MAN1A2: variants seen among roughly 807,000 people sequenced by gnomAD.
MAN1A2 encodes mannosidase alpha class 1A member 2.
MAN1A2 carries 26 observed loss-of-function variants against 75.7 expected under a neutral mutation model. That is an observed-to-expected ratio of 0.34 (90% CI 0.25 to 0.48). The LOEUF is 0.48. Among genes scored for constraint, MAN1A2 ranks in the 20% least tolerant of loss-of-function variants. MAN1A2 has a pLI of 0.99. For missense variants in MAN1A2, 562 were observed against 775.5 expected (o/e 0.72, Z 3.27); for synonymous variants, 247 against 264.6 (o/e 0.93, Z 0.65).
chr1:117,521,772 A>G (rs1353801061), intron 12 of MAN1A2, among the ~76,000 whole-genome samples: 1 of 151,980 alleles, frequency 6.6e-6, no homozygotes, highest in Non-Finnish European at 1.5e-5. Context: ...AAATGCGTGG[A>G]ACCAACCCAA....
intron 6 of MAN1A2, among the ~76,000 whole-genome samples, chr1:117,457,842 A>T (rs1392516368): frequency 6.6e-6 from 1 of 152,136 alleles, no homozygotes; most frequent in East Asian, 1.9e-4. Flanking sequence ...CATAGTCCAG[A>T]TTATACCTTG....
intron 6 of MAN1A2, among the ~76,000 whole-genome samples, chr1:117,457,098 T>C (rs1005913153): frequency 3.3e-5 from 5 of 152,110 alleles, no homozygotes; most frequent in Non-Finnish European, 7.4e-5. Context: ...CGACTGACTT[T>C]GAACAAAATG....
At chr1:117,413,194 G>A (rs1370518200) in intron 3 of MAN1A2, among the ~76,000 whole-genome samples, 1 of 151,912 alleles carries the variant, frequency 6.6e-6, no homozygotes, top group South Asian at 2.1e-4. Context: ...GAAGGGAACT[G>A]AGTAGGTAGA....
chr1:117,404,223 T>C (rs1339249163), intron 2 of MAN1A2, among the ~76,000 whole-genome samples: 5 of 152,198 alleles, frequency 3.3e-5, no homozygotes, highest in African/African-American at 1.2e-4. Context: ...TCTTGTAATA[T>C]CTTTGCTTGA....
chr1:117,414,539 G>T (rs1374901402), intron 3 of MAN1A2, among the ~76,000 whole-genome samples, 174 bp from the exon 4 acceptor site: 1 of 151,310 alleles, frequency 6.6e-6, no homozygotes, highest in Non-Finnish European at 1.5e-5. Context: ...TAATGTAAAA[G>T]GGAACAATAT....
At chr1:117,383,124 A>G (rs899910478) in intron 1 of MAN1A2, among the ~76,000 whole-genome samples, 1 of 152,168 alleles carries the variant, frequency 6.6e-6, no homozygotes, top group African/African-American at 2.4e-5. Flanking sequence ...CTTAGGGGCA[A>G]AGCTTTCAGT....
intron 9 of MAN1A2, 178 bp downstream of exon 9, chr1:117,493,440 TAA>T (rs918617015): frequency 1.3e-5 from 6 of 450,554 alleles, no homozygotes; most frequent in Admixed American, 7.9e-5. Context: ...AGCCTCATAT[TAA>T]GTCTTCTTTT....
chr1:117,409,436 C>T (rs1348406240), intron 3 of MAN1A2, among the ~76,000 whole-genome samples: 1 of 112,488 alleles, frequency 8.9e-6, no homozygotes, highest in Non-Finnish European at 1.9e-5. Context: ...ATGTACTTCA[C>T]ATAATTTTCA....
chr1:117,468,249 A>G (rs912247805), intron 8 of MAN1A2, among the ~76,000 whole-genome samples: 3 of 152,220 alleles, frequency 2.0e-5, no homozygotes, highest in East Asian at 3.9e-4. Flanking sequence ...TTATAAAACC[A>G]TCAGATCTTG....
At chr1:117,482,235 T>C (rs1156642261) in intron 8 of MAN1A2, among the ~76,000 whole-genome samples, 1 of 152,058 alleles carries the variant, frequency 6.6e-6, no homozygotes, top group Admixed American at 6.6e-5. Context: ...ATATACCCAG[T>C]AATGGGATTG....
intron 8 of MAN1A2, among the ~76,000 whole-genome samples, chr1:117,475,107 G>T (rs979053333): frequency 6.6e-6 from 1 of 151,648 alleles, no homozygotes; most frequent in Non-Finnish European, 1.5e-5. Flanking sequence ...CTGGTTTGGG[G>T]CTATTACAAA....
chr1:117,378,533 T>G (rs1450193096), intron 1 of MAN1A2, among the ~76,000 whole-genome samples: 1 of 152,170 alleles, frequency 6.6e-6, no homozygotes. Context: ...TTTTTGTTGT[T>G]GTTGCAAAAA....
chr1:117,494,043 A>G (rs1269808839), intron 9 of MAN1A2: 1 of 152,066 alleles, frequency 6.6e-6, no homozygotes, highest in Non-Finnish European at 1.5e-5. Flanking sequence ...GAGATCATTT[A>G]ATCATTATCA....
chr1:117,526,880 C>CTCTCTATATA lies in MAN1A2; in HGVS notation c.*3924_*3925insCTCTATATAT. ...TCTCTCTCTCTCTCTCTCTCTCTCT[C>CTCTCTATATA]TATATATATATATATATATATATAT... On this transcript the variant is annotated 3_prime_UTR_variant, in exon 13 of 13. Transcript: ENST00000356554. 3.9e-3 allele frequency: 213 copies of CTCTCTATATA among 54,498 alleles called. 2 individuals carry two copies. Among genetic ancestry groups the CTCTCTATATA allele is most frequent in the African/African-American group, 5.5e-3 (68 of 12,278 alleles). The allele number at this position is 54,498 out of a possible 1,614,324, so 3.4% of individuals were successfully genotyped here.
chr1:117,512,873 C>T (rs1216244601), intron 12 of MAN1A2, among the ~76,000 whole-genome samples: 1 of 151,802 alleles, frequency 6.6e-6, no homozygotes, highest in Non-Finnish European at 1.5e-5. Context: ...ATATGCTTGC[C>T]AATTTCTTTT....
intron 1 of MAN1A2, among the ~76,000 whole-genome samples, chr1:117,374,525 C>G (rs2101717168): frequency 6.6e-6 from 1 of 151,988 alleles, no homozygotes; most frequent in Middle Eastern, 3.4e-3. Context: ...AAAAAAAAAT[C>G]TCCTTCAAAG....
intron 5 of MAN1A2, among the ~76,000 whole-genome samples, chr1:117,422,608 G>A (rs1648233813): frequency 6.6e-6 from 1 of 151,960 alleles, no homozygotes; most frequent in Non-Finnish European, 1.5e-5. Context: ...ATTATTGTTA[G>A]CCATTCTAAT....
intron 1 of MAN1A2, among the ~76,000 whole-genome samples, chr1:117,374,416 A>G (rs987954293): frequency 1.3e-5 from 2 of 152,144 alleles, no homozygotes; most frequent in Admixed American, 6.5e-5. Flanking sequence ...TTTCACTGCT[A>G]TTGAATTTTT....
chr1:117,422,031 T>C (rs983307557), intron 5 of MAN1A2, among the ~76,000 whole-genome samples: 8 of 152,058 alleles, frequency 5.3e-5, no homozygotes, highest in African/African-American at 1.4e-4. Context: ...AATAAAATCA[T>C]TGTGAATTAA....
Sources: gnomAD v4.1 joint callset for allele counts (sites outside exome capture counted in the v4.1 genomes callset) on GRCh38, gnomAD v4.1.1 for gene constraint, MANE v1.5 for transcripts, NCBI Gene and HGNC (gene_info 2026-07-23, HGNC 2026-07-21) for gene names.